Variants in NEK1 observed in about 807,000 individuals in gnomAD.
NEK1 encodes the protein serine/threonine-protein kinase Nek1.
A neutral mutation model predicts 182.1 loss-of-function variants in NEK1; 137 were observed. The observed-to-expected ratio is 0.75, with a 90% CI of 0.65 to 0.87. The LOEUF (loss-of-function observed/expected upper bound fraction) is 0.87, where lower values mean the gene tolerates loss of function less well. Ranked by LOEUF, NEK1 falls within the 40% of genes least tolerant of loss-of-function variation. The pLI is 0.00. For missense variants in NEK1, 1,391 were observed against 1,494.4 expected (o/e 0.93, Z 1.14); for synonymous variants, 513 against 492.2 (o/e 1.04, Z -0.56).
intron 31 of NEK1, among the ~76,000 whole-genome samples, chr4:169,414,086 T>C (rs931143932): frequency 6.6e-6 from 1 of 152,222 alleles, no homozygotes; most frequent in African/African-American, 2.4e-5. Context: ...TAGAACAGTA[T>C]ATAGAATACT....
chr4:169,550,684 C>A (rs1214985096), intron 18 of NEK1, among the ~76,000 whole-genome samples: 2 of 152,222 alleles, frequency 1.3e-5, no homozygotes, highest in African/African-American at 4.8e-5. Flanking sequence ...AGGGTAAATG[C>A]AGAGTTAGAC....
intron 12 of NEK1, among the ~76,000 whole-genome samples, chr4:169,576,279 AAC>A (rs1291656273): frequency 6.6e-6 from 1 of 152,158 alleles, no homozygotes; most frequent in African/African-American, 2.4e-5. Context: ...ATAGATTTTA[AAC>A]AAAGTGACTG....
At chr4:169,487,382 C>T (rs1036962561) in intron 23 of NEK1, among the ~76,000 whole-genome samples, 1 of 152,174 alleles carries the variant, frequency 6.6e-6, no homozygotes, top group Admixed American at 6.5e-5. Context: ...TCTCATCGTT[C>T]AGCTCCCACT....
At chr4:169,599,343 T>G in intron 4 of NEK1, 146 bp from the exon 5 acceptor site, 2 of 579,298 alleles carry the variant, frequency 3.5e-6, no homozygotes, top group Non-Finnish European at 6.0e-6. Context: ...AAAGTCAAGG[T>G]ATACCGGTCA....
chr4:169,602,325 A>G (rs1770636639), intron 3 of NEK1, among the ~76,000 whole-genome samples, 189 bp downstream of exon 3: 1 of 152,218 alleles, frequency 6.6e-6, no homozygotes, highest in African/African-American at 2.4e-5. Flanking sequence ...TTCTAAACAC[A>G]TAAACATAAG....
intron 12 of NEK1, among the ~76,000 whole-genome samples, chr4:169,565,824 T>G (rs1362024278): frequency 6.6e-6 from 1 of 152,168 alleles, no homozygotes; most frequent in African/African-American, 2.4e-5. Context: ...GGGGAGTGGC[T>G]GCTAATGGAA....
At chr4:169,489,796 C>A (rs1471213893) in intron 23 of NEK1, among the ~76,000 whole-genome samples, 1 of 152,164 alleles carries the variant, frequency 6.6e-6, no homozygotes, top group Non-Finnish European at 1.5e-5. Context: ...TGTGCCCTGA[C>A]TCTCAGGATC....
At chr4:169,482,830 G>A (rs1748322488) in intron 23 of NEK1, among the ~76,000 whole-genome samples, 1 of 151,964 alleles carries the variant, frequency 6.6e-6, no homozygotes, top group African/African-American at 2.4e-5. Flanking sequence ...TAGAGATGGG[G>A]TTCACTATGT....
At chr4:169,451,532 G>A (rs1300551784) in intron 27 of NEK1, among the ~76,000 whole-genome samples, 6 of 152,162 alleles carry the variant, frequency 3.9e-5, no homozygotes, top group Admixed American at 6.5e-5. Context: ...GCTCCTGAAT[G>A]ACTACTGGGT....
At chr4:169,494,137 T>G (rs535366025) in intron 23 of NEK1, among the ~76,000 whole-genome samples, 2 of 151,978 alleles carry the variant, frequency 1.3e-5, no homozygotes, top group South Asian at 4.2e-4. Context: ...TTAGGGAACA[T>G]GTGCACAACG....
At chr4:169,553,093 C>A (rs7687728) in intron 18 of NEK1, among the ~76,000 whole-genome samples, 1 of 151,848 alleles carries the variant, frequency 6.6e-6, no homozygotes, top group East Asian at 1.9e-4. Context: ...TATGGAAAGA[C>A]AAAAGAACCG....
chr4:169,448,532 GGAAGA>G (rs1741032861), intron 27 of NEK1, among the ~76,000 whole-genome samples: 1 of 152,054 alleles, frequency 6.6e-6, no homozygotes, highest in Non-Finnish European at 1.5e-5. Context: ...AAGGAAGGAA[GGAAGA>G]GAAGTCCACA....
intron 10 of NEK1, 35 bp from the exon 11 acceptor site, chr4:169,580,937 T>C: frequency 3.2e-6 from 4 of 1,247,062 alleles, no homozygotes; most frequent in Non-Finnish European, 4.5e-6. Flanking sequence ...AGAAAAGATG[T>C]TACATTTTCA....
chr4:169,412,616 T>C lies in NEK1; in HGVS notation c.3223-5869A>G, dbSNP rs12163683. Among the ~76,000 whole-genome samples the C allele has an allele frequency of 7.9e-5, 12 of 152,316 alleles. No homozygotes were observed. The East Asian group carries it at 1.7e-3, about 22-fold the overall frequency. On this transcript the variant is annotated intron_variant, in intron 31 of 35. Transcript: ENST00000507142. The stretch of plus-strand genomic sequence containing the variant: ...AAAGCAACCACATGTAAAAAGTCCC[T>C]AACTGATGAATACATTCTATCCACT...
intron 10 of NEK1, 48 bp downstream of exon 10, chr4:169,585,301 C>A: frequency 1.4e-6 from 2 of 1,432,544 alleles, no homozygotes; most frequent in South Asian, 1.2e-5. Context: ...CATGTCTTAG[C>A]TAAGCAACAT....
chr4:169,498,104 T>C (rs769973175), intron 23 of NEK1, among the ~76,000 whole-genome samples: 6 of 152,250 alleles, frequency 3.9e-5, no homozygotes, highest in Non-Finnish European at 8.8e-5. Flanking sequence ...ATTGGATGCA[T>C]ATATATTTAG....
chr4:169,588,413 C>T lies in NEK1; in HGVS notation c.551+236G>A, dbSNP rs59387993. ...CATGAAGAAAAGACCAAAGAAAGCA[C>T]TCTACTTTCAATTATAACATAAATA... is the stretch of plus-strand genomic sequence containing the variant. On this transcript the variant is annotated intron_variant, in intron 8 of 35. Transcript: ENST00000507142. Among the ~76,000 whole-genome samples the T allele has an allele frequency of 0.043, 6,582 of 152,170 alleles. 500 individuals are homozygous for T. The highest frequency in any genetic ancestry group is 0.15 in the African/African-American group (6,200 of 41,492).
chr4:169,555,569 T>C, intron 18 of NEK1, 151 bp downstream of exon 18: 1 of 936,418 alleles, frequency 1.1e-6, no homozygotes, highest in South Asian at 1.5e-5. Flanking sequence ...AAGGGCCAAA[T>C]TTGCACCTCA....
rs59615019 is a variant in NEK1, at chr4:169,556,738, TAA to T, written c.1267-645_1267-644del. On this transcript the variant is annotated intron_variant, in intron 16 of 35. Coordinates refer to ENST00000507142, the MANE Select transcript of NEK1 (RefSeq NM_001199397.3). ...AGTGCTGAGCAAATCCACAAAACAG[TAA>T]AAAAAAAAAAAAAAATCAACAGTAA... 5.3e-3 allele frequency among the ~76,000 whole-genome samples: 612 copies of T among 116,060 alleles called. 3 individuals are homozygous for T. The highest frequency in any genetic ancestry group is 0.016 in the African/African-American group (551 of 34,340). 76.1% of individuals were successfully genotyped at this position (116,060 alleles called of 152,430 possible). A position where few individuals can be genotyped will look rare whatever the true frequency, so the allele number is the denominator to read the frequency against.
Sources: allele counts gnomAD v4.1 joint callset (sites outside exome capture counted in the v4.1 genomes callset), GRCh38; gene constraint gnomAD v4.1.1; transcripts MANE v1.5; gene names NCBI Gene and HGNC (gene_info 2026-07-23, HGNC 2026-07-21).